Variants in NUP160 observed in about 807,000 individuals in gnomAD.
NUP160 encodes nucleoporin 160.
A neutral mutation model predicts 196.9 loss-of-function variants in NUP160; 94 were observed. The ratio of observed to expected loss-of-function variants is 0.48; its 90% CI spans 0.40 to 0.57. The LOEUF is 0.57. Ranked by LOEUF, NUP160 falls within the 20% of genes least tolerant of loss-of-function variation. The pLI is 0.00. For synonymous variants in NUP160, 605 were observed against 619.7 expected (o/e 0.98, Z 0.35); for missense variants, 1,638 against 1,748.3 (o/e 0.94, Z 1.13).
intron 15 of NUP160, among the ~76,000 whole-genome samples, 166 bp from the exon 16 acceptor site, chr11:47,812,595 C>T (rs949152035): frequency 6.6e-6 from 1 of 152,206 alleles, no homozygotes; most frequent in African/African-American, 2.4e-5. Context: ...AATTTCCTCT[C>T]AGTTTTTCAT....
At chr11:47,786,656 C>G (rs1482250965) in intron 31 of NUP160, 102 bp from the exon 32 acceptor site, 11 of 719,356 alleles carry the variant, frequency 1.5e-5, no homozygotes, top group Admixed American at 4.2e-5. Flanking sequence ...CATCTCTAGT[C>G]TTTTGCTGAA....
At chr11:47,783,642 A>G (rs2097662780) in intron 33 of NUP160, among the ~76,000 whole-genome samples, 1 of 152,204 alleles carries the variant, frequency 6.6e-6, no homozygotes, top group Non-Finnish European at 1.5e-5. Context: ...TATTTGGAAG[A>G]GCTCTATTAA....
exon 36 of NUP160, chr11:47,778,561 A>T (rs1475043954): frequency 1.3e-5 from 2 of 152,674 alleles, no homozygotes; most frequent in East Asian, 3.8e-4. Flanking sequence ...GGCTTAATCT[A>T]GGCAAATTAT....
intron 27 of NUP160, among the ~76,000 whole-genome samples, chr11:47,795,924 G>A (rs1057503493): frequency 6.6e-6 from 1 of 151,956 alleles, no homozygotes; most frequent in Non-Finnish European, 1.5e-5. Flanking sequence ...AATGGAGGTG[G>A]GTGGATCACC....
chr11:47,784,958 T>A (rs2097663656), exon 33 of NUP160: 1 of 1,605,398 alleles, frequency 6.2e-7, no homozygotes, highest in Non-Finnish European at 8.5e-7. Flanking sequence ...GCAGAGGCAC[T>A]CCATGAGACA....
chr11:47,835,744 A>T, exon 7 of NUP160: 1 of 1,606,262 alleles, frequency 6.2e-7, no homozygotes, highest in Non-Finnish European at 8.5e-7. Context: ...TTCCAGCAGT[A>T]AGCCGAAGGT....
rs542538780 is a variant in NUP160, at chr11:47,847,838, C to T, written c.314+10G>A. The stretch of plus-strand genomic sequence containing the variant: ...CCTTCCAGGGGAGTTTGGCGAACCA[C>T]AACACTTACCAATGAATGAACCTGT... On this transcript the variant is annotated intron_variant, in intron 2 of 35. Transcript: ENST00000378460. 1.3e-6 allele frequency: 2 copies of T among 1,599,116 alleles called. No homozygotes were observed. Among genetic ancestry groups the T allele is most frequent in the Non-Finnish European group, 1.7e-6 (2 of 1,166,262 alleles).
chr11:47,796,633 T>C (rs2097671039), intron 27 of NUP160, among the ~76,000 whole-genome samples: 1 of 152,230 alleles, frequency 6.6e-6, no homozygotes, highest in South Asian at 2.1e-4. Flanking sequence ...GTTAATGTTT[T>C]AACTTTTCTG....
chr11:47,778,599 A>C (rs2097658860), exon 36 of NUP160: 1 of 152,812 alleles, frequency 6.5e-6, no homozygotes, highest in Admixed American at 6.5e-5. Context: ...ATCATATAAA[A>C]CCTCCAAAAT....
At chr11:47,778,967 C>A in exon 36 of NUP160, 1 of 665,942 alleles carries the variant, frequency 1.5e-6, no homozygotes, top group Non-Finnish European at 2.7e-6. Flanking sequence ...GCCCTCCTAT[C>A]TTGTGCAGAA....
intron 7 of NUP160, among the ~76,000 whole-genome samples, chr11:47,831,702 G>C (rs1477322303): frequency 6.6e-6 from 1 of 151,760 alleles, no homozygotes; most frequent in Non-Finnish European, 1.5e-5. Flanking sequence ...ACTTAGCCAG[G>C]CATGGTGGCA....
Position 47,792,788 on chromosome 11 carries a change from C to G in NUP160, c.3448G>C (p.Val1150Leu), listed in dbSNP as rs1282239701. Residue 1150 changes from valine (V) to leucine (L), a missense_variant and splice_region_variant, in exon 28 of 36, where the codon GTG becomes CTG. Around this residue, in one of 3 missense-constraint regions of NUP160, gnomAD observed 1,345 missense variants for 1,470.2 expected, o/e 0.91. Coordinates refer to ENST00000378460, the Ensembl canonical transcript of NUP160. ...TCCAGGATGAAATGTTTTCATACCA[C>G]TGCACCAGACACTGGCTGCACAATC... The G allele has an allele frequency of 5.6e-6, 9 of 1,608,040 alleles. No homozygotes were observed. The Admixed American group carries it at 8.5e-5, about 15-fold the overall frequency.
Position 47,815,971 on chromosome 11 carries a change from T to G in NUP160, c.1490A>C (p.Glu497Ala), listed in dbSNP as rs1432965538. 3.7e-6 allele frequency: 6 copies of G among 1,613,602 alleles called. No individual in the cohort carries two copies. In the South Asian group the frequency reaches 6.6e-5, roughly 18 times the overall value. The change falls in exon 12 of 36, where the codon GAA becomes GCA. Residue 497 changes from glutamate (E) to alanine (A), a missense_variant. Around this residue, in one of 3 missense-constraint regions of NUP160, gnomAD observed 1,345 missense variants for 1,470.2 expected, o/e 0.91. Coordinates refer to ENST00000378460, the Ensembl canonical transcript of NUP160. The stretch of plus-strand genomic sequence containing the variant: ...CTCATTTTCAACAGCTAAAGTAACT[T>G]CTTTCTTCAGTTCACTCCAGGAAAG...
chr11:47,819,312 C>CAAA (rs398040227), intron 10 of NUP160, 62 bp downstream of exon 10: 274 of 1,045,878 alleles, frequency 2.6e-4, no homozygotes, highest in African/African-American at 1.3e-3. Context: ...GACTCTGTCT[C>CAAA]AAAAAAAAAA....
chr11:47,809,602 A>G (rs2097679848), intron 17 of NUP160, among the ~76,000 whole-genome samples: 1 of 151,940 alleles, frequency 6.6e-6, no homozygotes, highest in African/African-American at 2.4e-5. Context: ...TATAAAAATT[A>G]GCTGGTGTAG....
intron 7 of NUP160, chr11:47,827,107 T>C (rs1389507844): frequency 1.1e-5 from 5 of 455,978 alleles, no homozygotes; most frequent in Admixed American, 7.1e-5. Context: ...TGGTTCACAC[T>C]TGTAATCCCA....
intron 17 of NUP160, among the ~76,000 whole-genome samples, chr11:47,808,971 G>A (rs1199379118): frequency 6.6e-6 from 1 of 151,980 alleles, no homozygotes; most frequent in African/African-American, 2.4e-5. Flanking sequence ...CATGGTGGTG[G>A]GCGCCTGTAT....
chr11:47,808,542 G>A lies in NUP160; in HGVS notation c.2242-13C>T, dbSNP rs777264136. On this transcript the variant is annotated splice_polypyrimidine_tract_variant and intron_variant, in intron 17 of 35. Transcript: ENST00000378460. ...TTCCCCAAATCACCTATACATTATG[G>A]GTAGGTGGACCAGACAAGAAATTAT... is the stretch of plus-strand genomic sequence containing the variant. 1.9e-6 allele frequency: 3 copies of A among 1,608,324 alleles called. No homozygotes were observed. Among genetic ancestry groups the A allele is most frequent in the Non-Finnish European group, 2.5e-6 (3 of 1,177,350 alleles).
intron 27 of NUP160, among the ~76,000 whole-genome samples, chr11:47,795,889 C>T (rs7120333): frequency 0.28 from 41,978 of 151,844 alleles, 6,790 homozygotes; most frequent in Middle Eastern, 0.38. Context: ...CAGTGGCTCA[C>T]GGCTGTAATT....
Sources: allele counts gnomAD v4.1 joint callset (sites outside exome capture counted in the v4.1 genomes callset), GRCh38; gene constraint gnomAD v4.1.1; regional missense constraint gnomAD v4.1.1; transcripts MANE v1.5; gene names NCBI Gene and HGNC (gene_info 2026-07-23, HGNC 2026-07-21).